Variants in SLC39A10 observed in about 807,000 individuals in gnomAD.
SLC39A10 encodes zinc transporter ZIP10.
A neutral mutation model predicts 65.1 loss-of-function variants in SLC39A10; 13 were observed. That is an observed-to-expected ratio of 0.20 (90% confidence interval 0.13 to 0.32). SLC39A10 has a LOEUF of 0.32. Among genes scored for constraint, SLC39A10 ranks in the 10% least tolerant of loss-of-function variants. The pLI, the probability that SLC39A10 is intolerant of heterozygous loss-of-function variation, is 1.00. For synonymous variants in SLC39A10, 321 were observed against 342.2 expected (o/e 0.94, Z 0.68); for missense variants, 831 against 1,018.4 (o/e 0.82, Z 2.50).
At chr2:195,688,880 TC>T (rs758137185) in intron 3 of SLC39A10, among the ~76,000 whole-genome samples, 4 of 152,240 alleles carry the variant, frequency 2.6e-5, no homozygotes, top group Admixed American at 6.5e-5. Context: ...GTAGAGATAC[TC>T]TTTTGCCTGT....
chr2:195,694,689 T>G (rs1209364609), intron 3 of SLC39A10, among the ~76,000 whole-genome samples: 1 of 152,050 alleles, frequency 6.6e-6, no homozygotes, highest in Non-Finnish European at 1.5e-5. Context: ...GGTCCTTGAT[T>G]TTAGTTTTGT....
In SLC39A10 at chr2:195,680,635, A is replaced by G. The variant is rs755922728; in HGVS notation, c.593A>G (p.Asn198Ser). 2 of 1,614,048 alleles carry G rather than the reference A, an allele frequency of 1.2e-6. No homozygotes were observed. The highest frequency in any genetic ancestry group is 2.7e-5 in the African/African-American group (2 of 74,904). ...LDHNNTHHFH[N>S]DSITPSERGE... ...CATAACAACACTCACCATTTTCATA[A>G]TGATTCCATTACTCCCAGTGAGCGT... Residue 198 changes from asparagine to serine, a missense_variant, in exon 2 of 10, where the codon AAT becomes AGT. Coordinates refer to ENST00000359634, the MANE Select transcript of SLC39A10 (RefSeq NM_020342.3).
chr2:195,658,266 G>T (rs1266997917), intron 1 of SLC39A10: 2 of 152,244 alleles, frequency 1.3e-5, no homozygotes, highest in Admixed American at 6.5e-5. Context: ...AAATGTTCAC[G>T]TGGGAGCCTG....
chr2:195,684,262 AG>A lies in SLC39A10; in HGVS notation c.1216+359del, dbSNP rs1690441713. On this transcript the variant is annotated intron_variant, in intron 3 of 9. Coordinates refer to ENST00000359634, the MANE Select transcript of SLC39A10 (RefSeq NM_020342.3). Reference sequence around the variant, plus strand: ...TTCTTCTAATTACTTAACATTTATCAGGGTGCCTCTGTTGAAAAGCAAAGAT... The same window carrying A: ...TTCTTCTAATTACTTAACATTTATCAGGTGCCTCTGTTGAAAAGCAAAGAT... Among the ~76,000 whole-genome samples the A allele has an allele frequency of 2.0e-5, 3 of 152,226 alleles. No individual in the cohort carries two copies. The East Asian group carries it at 5.8e-4, about 29-fold the overall frequency.
At position 195,706,763 on chromosome 2, in the gene SLC39A10, C is replaced by T; in HGVS notation, c.1364C>T (p.Ala455Val). 6.4e-7 allele frequency: 1 copy of T among 1,565,712 alleles called. No individual in the cohort carries two copies. The highest frequency in any genetic ancestry group is 8.6e-7 in the Non-Finnish European group (1 of 1,159,644). The change falls in exon 4 of 10, where the codon GCC (alanine) becomes GTC (valine). Residue 455 changes from alanine (A) to valine (V), a missense_variant. Physicochemically the swap from Ala to Val is moderately conservative, Grantham distance 64 (BLOSUM62 0). Around this residue, in one of 4 missense-constraint regions of SLC39A10, gnomAD observed 35 missense variants for 72.4 expected, o/e 0.48. Coordinates refer to ENST00000359634, the MANE Select transcript of SLC39A10 (RefSeq NM_020342.3). ...ALAVGTMSGDALLHLLPHSQG... is the reference protein window; with the variant it reads ...ALAVGTMSGDVLLHLLPHSQG... ...GCTGTAGGAACAATGAGTGGAGACGCCCTTCTTCATCTACTGCCCCATGTA... is the reference window on the plus strand; with the variant it reads ...GCTGTAGGAACAATGAGTGGAGACGTCCTTCTTCATCTACTGCCCCATGTA...
chr2:195,728,425 C>T lies in SLC39A10; in HGVS notation c.2337+76C>T. 1 of 1,357,300 alleles carries T rather than the reference C, an allele frequency of 7.4e-7. No homozygotes were observed. Among genetic ancestry groups the T allele is most frequent in the Non-Finnish European group, 1.0e-6 (1 of 989,232 alleles). The allele number at this position is 1,357,300 out of a possible 1,614,324, so 84.1% of individuals were successfully genotyped here. A position where few individuals can be genotyped will look rare whatever the true frequency, so the allele number is the denominator to read the frequency against. On this transcript the variant is annotated intron_variant, in intron 9 of 9. Coordinates refer to ENST00000359634, the MANE Select transcript of SLC39A10 (RefSeq NM_020342.3). This position sits in a 1 kb window ranked among gnomAD's most constrained non-coding sequence, Gnocchi z 4.4. ...TCCTTGGAAGTGGTTTGAAGCCAAA[C>T]TATTTTTGAAAATATAACTCATTTT...
intron 2 of SLC39A10, among the ~76,000 whole-genome samples, chr2:195,614,230 G>T (rs1459440803): frequency 6.6e-6 from 1 of 152,188 alleles, no homozygotes; most frequent in Non-Finnish European, 1.5e-5. Flanking sequence ...AGCTTGAGAA[G>T]TATTTGCTGC....
chr2:195,724,197 C>G (rs1259976954), intron 8 of SLC39A10, among the ~76,000 whole-genome samples: 1 of 152,066 alleles, frequency 6.6e-6, no homozygotes, highest in Non-Finnish European at 1.5e-5. Flanking sequence ...ATGTTAACAT[C>G]TGTAGCATTG....
chr2:195,662,143 C>T (rs1689429052), intron 1 of SLC39A10, among the ~76,000 whole-genome samples: 1 of 152,056 alleles, frequency 6.6e-6, no homozygotes, highest in Non-Finnish European at 1.5e-5. Context: ...TAATTTTAAT[C>T]CTCTATAATG....
chr2:195,688,200 A>G (rs560260834), intron 3 of SLC39A10, among the ~76,000 whole-genome samples: 1 of 152,310 alleles, frequency 6.6e-6, no homozygotes, highest in Admixed American at 6.5e-5. Flanking sequence ...ATATTGTTTT[A>G]TATAAGGTTT....
intron 1 of SLC39A10, among the ~76,000 whole-genome samples, chr2:195,659,665 C>CT (rs1442870304): frequency 1.3e-5 from 2 of 152,092 alleles, no homozygotes; most frequent in African/African-American, 4.8e-5. Flanking sequence ...GTTTGCTTAC[C>CT]TTGAGGAAGT....
chr2:195,704,952 C>T (rs924736921), intron 3 of SLC39A10, among the ~76,000 whole-genome samples: 11 of 152,066 alleles, frequency 7.2e-5, no homozygotes, highest in African/African-American at 2.2e-4. Context: ...CATGTACCAC[C>T]GCGCTTGGCT....
At chr2:195,653,887 C>A (rs1312605489), upstream of SLC39A10, among the ~76,000 whole-genome samples, 1 of 152,270 alleles carries the variant, frequency 6.6e-6, no homozygotes, top group South Asian at 2.1e-4. Context: ...ACGGAAAGAA[C>A]AAGTGAGTTT....
chr2:195,672,815 A>G (rs116256384), intron 1 of SLC39A10, among the ~76,000 whole-genome samples: 2,559 of 152,286 alleles, frequency 0.017, 69 homozygotes, highest in African/African-American at 0.058. Context: ...AAGAAACCTC[A>G]TGGTATTTAC....
intron 2 of SLC39A10, among the ~76,000 whole-genome samples, chr2:195,613,592 T>C (rs1348435943): frequency 1.3e-5 from 2 of 152,244 alleles, no homozygotes; most frequent in Non-Finnish European, 2.9e-5. Flanking sequence ...ATGAATTGTA[T>C]ATAAAAATAC....
rs1383971426 is a variant in SLC39A10, at chr2:195,736,214, T to C, written c.*1173T>C. On this transcript the variant is annotated 3_prime_UTR_variant, in exon 10 of 10. Transcript: ENST00000359634. ...ATCACTTGATCATCTTGTGCCAAGA[T>C]ATGCTGTTGGTGCCTGATAGGGATT... The C allele has an allele frequency of 6.5e-6, 1 of 153,610 alleles. No individual in the cohort carries two copies. Among genetic ancestry groups the C allele is most frequent in the Admixed American group, 6.5e-5 (1 of 15,284 alleles). 9.5% of individuals were successfully genotyped at this position (153,610 alleles called of 1,614,324 possible).
chr2:195,722,282 T>C (rs1692071117), intron 8 of SLC39A10, among the ~76,000 whole-genome samples: 2 of 152,198 alleles, frequency 1.3e-5, no homozygotes, highest in Non-Finnish European at 2.9e-5. Context: ...TTTTTCCTAA[T>C]GTTAAATTGA....
intron 8 of SLC39A10, among the ~76,000 whole-genome samples, chr2:195,721,130 G>A (rs547788930): frequency 6.6e-6 from 1 of 151,964 alleles, no homozygotes; most frequent in African/African-American, 2.4e-5. Context: ...TTGATAGATA[G>A]GGTGTTGTCA....
chr2:195,631,783 T>G (rs1688590755), intron 2 of SLC39A10, among the ~76,000 whole-genome samples: 1 of 152,232 alleles, frequency 6.6e-6, no homozygotes, highest in Non-Finnish European at 1.5e-5. Flanking sequence ...ACTTATTATC[T>G]TTATAGCACA....
Sources: allele counts gnomAD v4.1 joint callset (sites outside exome capture counted in the v4.1 genomes callset), GRCh38; gene constraint gnomAD v4.1.1; regional missense constraint gnomAD v4.1.1; non-coding constraint Gnocchi (gnomAD v3.1); transcripts MANE v1.5; gene names NCBI Gene and HGNC (gene_info 2026-07-23, HGNC 2026-07-21).